The following CHRDL2 variants were observed in gnomAD, a reference collection of about 807,000 sequenced individuals.
CHRDL2 encodes chordin-like protein 2.
Under a neutral mutation model 54.3 loss-of-function variants are expected in CHRDL2, and 41 were observed. That is an observed-to-expected ratio of 0.76 (90% CI 0.59 to 0.98). The LOEUF (loss-of-function observed/expected upper bound fraction) is 0.98. Among genes scored for constraint, CHRDL2 ranks in the 50% least tolerant of loss-of-function variants. The probability of loss-of-function intolerance (pLI) is 0.00; values close to 1 mark genes in which losing one functional copy is unlikely to be tolerated. For synonymous variants in CHRDL2, 220 were observed against 224.3 expected (o/e 0.98, Z 0.17); for missense variants, 518 against 562.4 (o/e 0.92, Z 0.80).
chr11:74,699,847 G>A (rs1275774222), intron 9 of CHRDL2, among the ~76,000 whole-genome samples: 1 of 152,240 alleles, frequency 6.6e-6, no homozygotes, highest in African/African-American at 2.4e-5. Flanking sequence ...TCTGGGACAG[G>A]GAGGGAACAG....
At chr11:74,707,571 C>A (rs1420385911) in intron 5 of CHRDL2, among the ~76,000 whole-genome samples, 1 of 152,162 alleles carries the variant, frequency 6.6e-6, no homozygotes, top group African/African-American at 2.4e-5. Context: ...ACCAGCTCTG[C>A]CGTCAGGAAG....
intron 6 of CHRDL2, among the ~76,000 whole-genome samples, chr11:74,706,127 G>A (rs971556032): frequency 8.5e-5 from 13 of 152,260 alleles, no homozygotes; most frequent in Middle Eastern, 6.8e-3. Context: ...GGGGAAGGCT[G>A]GCCCAAGTTA....
chr11:74,703,527 G>A (rs571786707), intron 7 of CHRDL2, 28 bp from the exon 8 acceptor site: 1 of 1,531,568 alleles, frequency 6.5e-7, no homozygotes, highest in Non-Finnish European at 8.8e-7. Context: ...GAAGGAAGGA[G>A]GATCAGGGCC....
In CHRDL2 at chr11:74,706,456, C is replaced by A. The variant is rs1424353802; in HGVS notation, c.582+31G>T. 2.5e-6 allele frequency: 4 copies of A among 1,611,322 alleles called. No homozygotes were observed. The Admixed American group carries it at 5.0e-5, about 20-fold the overall frequency. On this transcript the variant is annotated intron_variant, in intron 6 of 10. Coordinates refer to ENST00000376332, the MANE Select transcript of CHRDL2 (RefSeq NM_001278473.3). Reference sequence around the variant, plus strand: ...AGGCCCTGGATCCCAGCCCCCTGTCCCGCACCCCGTCAATAAGGCCGTGCA... The same window carrying A: ...AGGCCCTGGATCCCAGCCCCCTGTCACGCACCCCGTCAATAAGGCCGTGCA...
At chr11:74,717,922 T>C (rs2034406142) in intron 2 of CHRDL2, among the ~76,000 whole-genome samples, 1 of 152,132 alleles carries the variant, frequency 6.6e-6, no homozygotes, top group African/African-American at 2.4e-5. Flanking sequence ...TTCCTCCTCT[T>C]CCGCCCCTCC....
rs535283640 is a variant in CHRDL2 at position 74,727,299 on chromosome 11, C to T, written c.82+3508G>A. 7.7e-4 allele frequency among the ~76,000 whole-genome samples: 117 copies of T among 152,304 alleles called. 1 individual carries two copies. Among genetic ancestry groups the T allele is most frequent in the Non-Finnish European group, 2.1e-4 (14 of 68,020 alleles). On this transcript the variant is annotated intron_variant, in intron 1 of 10. Transcript: ENST00000376332. The stretch of plus-strand genomic sequence containing the variant: ...TGCCCTCCACATCACATCCTACCAG[C>T]GGAGCTCCCTTCCTGTCCCATGCCT...
intron 1 of CHRDL2, among the ~76,000 whole-genome samples, chr11:74,721,045 G>A (rs1251047836): frequency 6.6e-6 from 1 of 152,154 alleles, no homozygotes; most frequent in African/African-American, 2.4e-5. Flanking sequence ...CCGCAAAGTG[G>A]AGGAGCGATT....
Position 74,730,829 on chromosome 11 carries a change from G to C in CHRDL2, c.60C>G (p.Pro20=). 1 of 1,612,636 alleles carries C rather than the reference G, an allele frequency of 6.2e-7. No homozygotes were observed. The highest frequency in any genetic ancestry group is 1.3e-5 in the African/African-American group (1 of 75,026). The change falls in exon 1 of 11, where the codon CCC becomes CCG. Residue 20 remains proline, a synonymous_variant. Coordinates refer to ENST00000376332, the MANE Select transcript of CHRDL2 (RefSeq NM_001278473.3). ...TACGGGCTCGAGCGTGGGAGTCCAGGGGGAACCAGAGCAGCGCGAGTCCCA... is the reference window on the plus strand; with the variant it reads ...TACGGGCTCGAGCGTGGGAGTCCAGCGGGAACCAGAGCAGCGCGAGTCCCA... ...SLLGLALLWF[P]LDSHARARPD...
At chr11:74,697,429 C>G in intron 9 of CHRDL2, 132 bp from the exon 10 acceptor site, 1 of 661,568 alleles carries the variant, frequency 1.5e-6, no homozygotes, top group South Asian at 1.7e-5. Flanking sequence ...GACACAAAAT[C>G]CTGCTGATGA....
At chr11:74,701,517 G>C (rs1270370882) in intron 9 of CHRDL2, 1 of 684,274 alleles carries the variant, frequency 1.5e-6, no homozygotes, top group Non-Finnish European at 2.7e-6. Context: ...CCTACGACAG[G>C]GGGCAGAGTA....
At position 74,708,411 on chromosome 11, in the gene CHRDL2, A is replaced by G. The variant is rs187983810; in HGVS notation, c.433-16T>C. On this transcript the variant is annotated splice_polypyrimidine_tract_variant and intron_variant, in intron 4 of 10. Transcript: ENST00000376332. ...TCTGGCCCTCCTGACAGATAGAGCA[A>G]ACCAGCTGGGAAATGAGCTCTGATA... is the stretch of plus-strand genomic sequence containing the variant. 11,739 of 1,545,920 alleles carry G rather than the reference A, an allele frequency of 7.6e-3. 62 individuals are homozygous for G. Among genetic ancestry groups the G allele is most frequent in the Non-Finnish European group, 8.8e-3 (10,048 of 1,147,474 alleles).
At chr11:74,725,791 C>T (rs1051725764) in intron 1 of CHRDL2, among the ~76,000 whole-genome samples, 2 of 152,116 alleles carry the variant, frequency 1.3e-5, no homozygotes, top group African/African-American at 4.8e-5. Flanking sequence ...GCTGGCCTGT[C>T]CCCAGGCTGC....
In CHRDL2 at chr11:74,718,766, A is replaced by C; in HGVS notation, c.149T>G (p.Leu50Trp). 6.2e-7 allele frequency: 1 copy of C among 1,613,804 alleles called. No homozygotes were observed. The highest frequency in any genetic ancestry group is 8.5e-7 in the Non-Finnish European group (1 of 1,179,874). The stretch of plus-strand genomic sequence containing the variant: ...GCAGTACATCAGGCCTTGTGGCTCC[A>C]AGTAGGGGTGCCAGCTCTCGCCGGG... ...YSPGESWHPY[L>W]EPQGLMYCLR... The change falls in exon 2 of 11, where the codon TTG becomes TGG. Residue 50 changes from leucine (L) to tryptophan (W), a missense_variant. Leu to Trp is a moderately conservative substitution (Grantham distance 61). Transcript: ENST00000376332.
chr11:74,719,100 C>G (rs2034441598), intron 1 of CHRDL2: 1 of 420,890 alleles, frequency 2.4e-6, no homozygotes, highest in Non-Finnish European at 4.2e-6. Flanking sequence ...GTTAGGGAAT[C>G]AAGCAGTGAA....
At chr11:74,712,261 G>A (rs749200393) in intron 3 of CHRDL2, among the ~76,000 whole-genome samples, 12 of 152,102 alleles carry the variant, frequency 7.9e-5, no homozygotes, top group Non-Finnish European at 1.5e-4. Context: ...TAACTCAGCC[G>A]GGGAGGAATG....
chr11:74,717,548 G>C (rs1241656052), intron 2 of CHRDL2, among the ~76,000 whole-genome samples: 1 of 151,840 alleles, frequency 6.6e-6, no homozygotes, highest in African/African-American at 2.4e-5. Flanking sequence ...ATTTCTACTT[G>C]GGGCCAACAC....
chr11:74,710,295 A>C (rs2034145563), intron 4 of CHRDL2, among the ~76,000 whole-genome samples: 1 of 151,736 alleles, frequency 6.6e-6, no homozygotes. Flanking sequence ...CAGTTCCCTT[A>C]CAAGGAGGAG....
At chr11:74,711,724 C>T (rs942608832) in intron 3 of CHRDL2, among the ~76,000 whole-genome samples, 1 of 152,072 alleles carries the variant, frequency 6.6e-6, no homozygotes, top group African/African-American at 2.4e-5. Flanking sequence ...CCTATAATCC[C>T]AGCACTTTGG....
At chr11:74,723,710 G>A (rs556948591) in intron 1 of CHRDL2, among the ~76,000 whole-genome samples, 11 of 152,254 alleles carry the variant, frequency 7.2e-5, no homozygotes, top group African/African-American at 2.4e-4. Flanking sequence ...ATTAACGGGC[G>A]GGGAGCATCT....
Sources: gnomAD v4.1 joint callset for allele counts (sites outside exome capture counted in the v4.1 genomes callset) on GRCh38, gnomAD v4.1.1 for gene constraint, MANE v1.5 for transcripts, NCBI Gene and HGNC (gene_info 2026-07-23, HGNC 2026-07-21) for gene names.